Variants in PAH observed in about 807,000 individuals in gnomAD.
The protein encoded by PAH is phenylalanine hydroxylase, also known as phenylalanine-4-hydroxylase.
PAH carries 64 observed loss-of-function variants against 62.0 expected under a neutral mutation model. The observed-to-expected ratio is 1.03, with a 90% CI of 0.84 to 1.27. The LOEUF is 1.27. Among genes scored for constraint, PAH ranks in the 50% most tolerant of loss-of-function variants. The pLI is 0.00. For synonymous variants in PAH, 195 were observed against 196.2 expected (o/e 0.99, Z 0.05); for missense variants, 579 against 542.8 (o/e 1.07, Z -0.66).
At chr12:102,948,372 G>A (rs985111465) in intron 1 of PAH, among the ~76,000 whole-genome samples, 1 of 152,184 alleles carries the variant, frequency 6.6e-6, no homozygotes, top group Admixed American at 6.5e-5. Context: ...CCAAAGTGGG[G>A]CTCTTTTGGG....
chr12:102,869,126 C>T (rs4264203), intron 4 of PAH, among the ~76,000 whole-genome samples: 32,348 of 152,102 alleles, frequency 0.21, 4,027 homozygotes, highest in Admixed American at 0.36. Flanking sequence ...TCCTTCAATC[C>T]GTGGATTTCC....
intron 1 of PAH, among the ~76,000 whole-genome samples, chr12:102,923,862 C>G (rs1480159205): frequency 6.6e-6 from 1 of 152,156 alleles, no homozygotes; most frequent in Non-Finnish European, 1.5e-5. Flanking sequence ...GGGGTTATCT[C>G]ACCGTGCAGC....
intron 3 of PAH, among the ~76,000 whole-genome samples, chr12:102,880,247 A>C (rs1432741911): frequency 6.6e-6 from 1 of 152,134 alleles, no homozygotes. Flanking sequence ...TGCGTTGTAC[A>C]CTGAACCTCT....
chr12:102,881,482 T>C lies in PAH; in HGVS notation c.353-3932A>G, dbSNP rs563545262. ...CGGGTATGGAGTGGGACAAGGACAC[T>C]TGAGATCTCTCTGAGCAAATTTCAA... On this transcript the variant is annotated intron_variant, in intron 3 of 12. Transcript: ENST00000553106. Among the ~76,000 whole-genome samples the C allele has an allele frequency of 9.2e-5, 14 of 152,262 alleles. No homozygotes were observed. The South Asian group carries it at 2.7e-3, about 29-fold the overall frequency.
intron 1 of PAH, among the ~76,000 whole-genome samples, chr12:102,922,746 T>C (rs1878588599): frequency 6.6e-6 from 1 of 152,244 alleles, no homozygotes; most frequent in Non-Finnish European, 1.5e-5. Flanking sequence ...GATAGCTATG[T>C]GAAATAATAC....
In PAH at chr12:102,938,518, G is replaced by A. The variant is rs538587951; in HGVS notation, c.-96+12071C>T. On this transcript the variant is annotated intron_variant, in intron 1 of 3. Transcript: ENST00000546844. The stretch of plus-strand genomic sequence containing the variant: ...TTTGTGTCCACAGTGCTGAGGAAGG[G>A]ACAGACTGCAAGCCTCACCTCTGCT... Among the ~76,000 whole-genome samples the A allele has an allele frequency of 2.3e-4, 35 of 152,230 alleles. No homozygotes were observed. In the South Asian group the frequency reaches 5.8e-3, roughly 25 times the overall value.
At chr12:102,917,403 G>A (rs1012308723), upstream of PAH, 19 of 487,356 alleles carry the variant, frequency 3.9e-5, no homozygotes, top group East Asian at 7.4e-4. Flanking sequence ...GGGGACGCAG[G>A]AGGCACCACT....
At chr12:102,867,590 T>G (rs1325615429) in intron 4 of PAH, among the ~76,000 whole-genome samples, 1 of 152,158 alleles carries the variant, frequency 6.6e-6, no homozygotes, top group African/African-American at 2.4e-5. Context: ...TTCCAAGCCT[T>G]TCCCAGTAAG....
chr12:102,917,060 C>G lies in PAH; in HGVS notation c.60+11G>C. 1.2e-6 allele frequency: 2 copies of G among 1,613,946 alleles called. No homozygotes were observed. Among genetic ancestry groups the G allele is most frequent in the Middle Eastern group, 1.6e-4 (1 of 6,062 alleles). On this transcript the variant is annotated intron_variant, in intron 1 of 12. Coordinates refer to ENST00000553106, the MANE Select transcript of PAH (RefSeq NM_000277.3). ...TCCCCTAACTGAGCAGCTCAGGCTG[C>G]CGTGGCTCACCTGTCCAAAGTCAGA...
At chr12:102,922,195 C>CTT (rs550531972), upstream of PAH, among the ~76,000 whole-genome samples, 1,841 of 124,940 alleles carry the variant, frequency 0.015, 79 homozygotes, top group African/African-American at 0.047. Context: ...TAAATCTTGC[C>CTT]TTTTTTTTTT....
chr12:102,893,601 A>G (rs896498759), intron 3 of PAH, among the ~76,000 whole-genome samples: 3 of 152,126 alleles, frequency 2.0e-5, no homozygotes, highest in Non-Finnish European at 4.4e-5. Context: ...CTGTTTATGT[A>G]TGACTTCATT....
chr12:102,861,826 T>C (rs983359571), intron 5 of PAH, among the ~76,000 whole-genome samples: 2 of 151,792 alleles, frequency 1.3e-5, no homozygotes, highest in Non-Finnish European at 2.9e-5. Flanking sequence ...CACGGGCCTG[T>C]TGTGGGGTTG....
chr12:102,863,541 C>T (rs1483014404), intron 5 of PAH, among the ~76,000 whole-genome samples: 1 of 152,104 alleles, frequency 6.6e-6, no homozygotes, highest in African/African-American at 2.4e-5. Context: ...GGGACTATGT[C>T]CTAATCAGAG....
intron 5 of PAH, among the ~76,000 whole-genome samples, chr12:102,864,672 A>G (rs1468632188): frequency 1.3e-5 from 2 of 152,122 alleles, no homozygotes; most frequent in Non-Finnish European, 2.9e-5. Context: ...TTGGAGATAT[A>G]CACCTCAGTA....
chr12:102,894,724 C>G lies in PAH; in HGVS notation c.352+11G>C, dbSNP rs371926082. On this transcript the variant is annotated intron_variant, in intron 3 of 12. Transcript: ENST00000553106. ...GAGTTACTTATGTTGCAAAATTCCT[C>G]TAATTCTTACCTGTGTCTTTCTTCT... is the stretch of plus-strand genomic sequence containing the variant. The G allele has an allele frequency of 4.9e-5, 79 of 1,612,464 alleles. No homozygotes were observed. The highest frequency in any genetic ancestry group is 5.6e-5 in the Non-Finnish European group (66 of 1,178,606).
chr12:102,856,779 G>A (rs1666897479), intron 5 of PAH, among the ~76,000 whole-genome samples: 1 of 152,206 alleles, frequency 6.6e-6, no homozygotes, highest in South Asian at 2.1e-4. Flanking sequence ...GGTCCTGACT[G>A]TTAGAAGGAA....
At chr12:102,873,137 G>C (rs1253783045) in intron 4 of PAH, among the ~76,000 whole-genome samples, 1 of 152,194 alleles carries the variant, frequency 6.6e-6, no homozygotes, top group African/African-American at 2.4e-5. Flanking sequence ...TCTGGAGTTG[G>C]GGGTCTATGT....
chr12:102,864,171 G>A (rs1210729968), intron 5 of PAH, among the ~76,000 whole-genome samples: 1 of 152,168 alleles, frequency 6.6e-6, no homozygotes, highest in Non-Finnish European at 1.5e-5. Context: ...CAAAGGTATA[G>A]GGAGTTTCAG....
At chr12:102,874,917 G>A (rs1876500031) in intron 4 of PAH, among the ~76,000 whole-genome samples, 1 of 152,166 alleles carries the variant, frequency 6.6e-6, no homozygotes, top group Non-Finnish European at 1.5e-5. Context: ...CCGGGTTCAG[G>A]GACAAAGAGA....
Sources: allele counts gnomAD v4.1 joint callset (sites outside exome capture counted in the v4.1 genomes callset), GRCh38; gene constraint gnomAD v4.1.1; transcripts MANE v1.5; gene names NCBI Gene and HGNC (gene_info 2026-07-23, HGNC 2026-07-21).